Variants in KIRREL3 observed in about 807,000 individuals in gnomAD.
The protein encoded by KIRREL3 is kirre like nephrin family adhesion molecule 3, also known as kin of IRRE-like protein 3.
A neutral mutation model predicts 89.7 loss-of-function variants in KIRREL3; 36 were observed. The ratio of observed to expected loss-of-function variants is 0.40; its 90% confidence interval spans 0.31 to 0.53. The LOEUF (loss-of-function observed/expected upper bound fraction) is 0.53. Ranked by LOEUF, KIRREL3 falls within the 20% of genes least tolerant of loss-of-function variation. KIRREL3 has a pLI of 0.49. For synonymous variants in KIRREL3, 445 were observed against 441.4 expected (o/e 1.01, Z -0.10); for missense variants, 864 against 1,056.6 (o/e 0.82, Z 2.53).
intron 1 of KIRREL3, among the ~76,000 whole-genome samples, chr11:126,638,064 T>C (rs894565957): frequency 6.6e-6 from 1 of 152,226 alleles, no homozygotes; most frequent in African/African-American, 2.4e-5. Flanking sequence ...GCTCAACAAA[T>C]GGAAACCTGT....
At chr11:126,945,837 G>A (rs1440642000) in intron 1 of KIRREL3, among the ~76,000 whole-genome samples, 1 of 152,192 alleles carries the variant, frequency 6.6e-6, no homozygotes, top group Non-Finnish European at 1.5e-5. Context: ...TGCCCTGTTG[G>A]AATTAATAAT....
intron 1 of KIRREL3, among the ~76,000 whole-genome samples, chr11:126,873,113 T>C (rs900184458): frequency 2.6e-5 from 4 of 152,200 alleles, no homozygotes; most frequent in African/African-American, 9.7e-5. Flanking sequence ...AAGTGTAATA[T>C]ATCATGGAAT....
chr11:126,473,725 C>G (rs1205848546), intron 4 of KIRREL3, among the ~76,000 whole-genome samples: 1 of 152,222 alleles, frequency 6.6e-6, no homozygotes, highest in Non-Finnish European at 1.5e-5. Context: ...ACAGGGCCAG[C>G]AGCCTCAGCC....
rs1049893126 is a variant in KIRREL3, at chr11:126,780,684, G to A, written c.56-217772C>T. On this transcript the variant is annotated intron_variant, in intron 1 of 16. Coordinates refer to ENST00000525144, the MANE Select transcript of KIRREL3 (RefSeq NM_032531.4). This position sits in a 1 kb window ranked among gnomAD's most constrained non-coding sequence, Gnocchi z 5.3. Reference sequence around the variant, plus strand: ...TCCATCTCCTTGAGACACAAGCCAGGCCACCTGTGCTAGGCTGGCAGGTGT... The same window carrying A: ...TCCATCTCCTTGAGACACAAGCCAGACCACCTGTGCTAGGCTGGCAGGTGT... Among the ~76,000 whole-genome samples the A allele has an allele frequency of 6.6e-6, 1 of 152,186 alleles. No homozygotes were observed. Among genetic ancestry groups the A allele is most frequent in the Non-Finnish European group, 1.5e-5 (1 of 68,022 alleles).
rs890378922 is a variant in KIRREL3 at position 126,620,335 on chromosome 11, C to T, written c.56-57423G>A. The stretch of plus-strand genomic sequence containing the variant: ...CAGCAAATCTCTTGCTTGTCCATGT[C>T]CTTATTAACATGTGGCATCCAGTAC... On this transcript the variant is annotated intron_variant, in intron 1 of 16. Coordinates refer to ENST00000525144, the MANE Select transcript of KIRREL3 (RefSeq NM_032531.4). This position sits in a 1 kb window ranked among gnomAD's most constrained non-coding sequence, Gnocchi z 4.8. Among the ~76,000 whole-genome samples the T allele has an allele frequency of 6.6e-6, 1 of 152,152 alleles. No individual in the cohort carries two copies. The highest frequency in any genetic ancestry group is 2.4e-5 in the African/African-American group (1 of 41,424).
At chr11:126,840,054 G>A (rs1943912654) in intron 1 of KIRREL3, among the ~76,000 whole-genome samples, 1 of 152,096 alleles carries the variant, frequency 6.6e-6, no homozygotes, top group African/African-American at 2.4e-5. Context: ...CTGGCAGAGC[G>A]ATACATTAAA....
At position 126,452,224 on chromosome 11, in the gene KIRREL3, G is replaced by C. The variant is rs190004675; in HGVS notation, c.849-3067C>G. On this transcript the variant is annotated intron_variant, in intron 7 of 16. Coordinates refer to ENST00000525144, the MANE Select transcript of KIRREL3 (RefSeq NM_032531.4). ...AACAGAGCAAACCATATCTCCCTTA[G>C]AGCTTAAGGAGCTTCCCAACAAACC... 8.5e-5 allele frequency among the ~76,000 whole-genome samples: 13 copies of C among 152,342 alleles called. 1 individual carries two copies. The highest frequency in any genetic ancestry group is 7.8e-4 in the Admixed American group (12 of 15,302).
chr11:126,728,033 T>G (rs1948460943), intron 1 of KIRREL3, among the ~76,000 whole-genome samples: 1 of 152,038 alleles, frequency 6.6e-6, no homozygotes, highest in South Asian at 2.1e-4. Flanking sequence ...AGCCTCCTGA[T>G]GCACCTGGCA....
At chr11:126,650,008 G>T (rs568563852) in intron 1 of KIRREL3, among the ~76,000 whole-genome samples, 1 of 152,318 alleles carries the variant, frequency 6.6e-6, no homozygotes, top group East Asian at 1.9e-4. Flanking sequence ...GCACTCTCAG[G>T]CTCAACACCA....
Position 126,703,084 on chromosome 11 carries a change from C to T in KIRREL3, c.56-140172G>A, listed in dbSNP as rs1373853648. On this transcript the variant is annotated intron_variant, in intron 1 of 16. Coordinates refer to ENST00000525144, the MANE Select transcript of KIRREL3 (RefSeq NM_032531.4). The surrounding 1 kb of genome is among the most constrained non-coding windows in gnomAD (Gnocchi z 4.6). Reference sequence around the variant, plus strand: ...AATGAGAAGGGTGAGTAGTAGATGGCGTATTCTCTGGGCTGTGAATCCTGG... The same window carrying T: ...AATGAGAAGGGTGAGTAGTAGATGGTGTATTCTCTGGGCTGTGAATCCTGG... Among the ~76,000 whole-genome samples the T allele has an allele frequency of 6.6e-6, 1 of 152,020 alleles. No individual in the cohort carries two copies. The highest frequency in any genetic ancestry group is 6.6e-5 in the Admixed American group (1 of 15,264).
chr11:126,544,358 A>G lies in KIRREL3; in HGVS notation c.134-17671T>C, dbSNP rs1428397272. 1 of 152,114 alleles carries G rather than the reference A, an allele frequency of 6.6e-6. No individual in the cohort carries two copies. The highest frequency in any genetic ancestry group is 1.5e-5 in the Non-Finnish European group (1 of 68,030). The allele number at this position is 152,114 out of a possible 1,614,324, so 9.4% of individuals were successfully genotyped here. On this transcript the variant is annotated intron_variant, in intron 2 of 16. Coordinates refer to ENST00000525144, the MANE Select transcript of KIRREL3 (RefSeq NM_032531.4). This position sits in a 1 kb window ranked among gnomAD's most constrained non-coding sequence, Gnocchi z 5.6. ...AGGCTGGAAGAACGGGGCAGGAGGGATTCTGAATGGGAGGTATTGTAACCC... is the reference window on the plus strand; with the variant it reads ...AGGCTGGAAGAACGGGGCAGGAGGGGTTCTGAATGGGAGGTATTGTAACCC...
chr11:126,911,785 C>G (rs1946826934), intron 1 of KIRREL3, among the ~76,000 whole-genome samples: 1 of 151,958 alleles, frequency 6.6e-6, no homozygotes, highest in African/African-American at 2.4e-5. Context: ...AGATCGAGAC[C>G]ATCCTGGCTA....
In KIRREL3 at chr11:126,744,333, T is replaced by C. The variant is rs930555519; in HGVS notation, c.56-181421A>G. 2.0e-5 allele frequency among the ~76,000 whole-genome samples: 3 copies of C among 152,034 alleles called. No homozygotes were observed. The highest frequency in any genetic ancestry group is 2.9e-5 in the Non-Finnish European group (2 of 68,002). ...AGGGGAGCAGCCTTTTCTGGGAGGT[T>C]CACCCGCAGGAGGTGTGCTGACCAG... On this transcript the variant is annotated intron_variant, in intron 1 of 16. Coordinates refer to ENST00000525144, the MANE Select transcript of KIRREL3 (RefSeq NM_032531.4). The surrounding 1 kb of genome is among the most constrained non-coding windows in gnomAD (Gnocchi z 4.7).
intron 1 of KIRREL3, among the ~76,000 whole-genome samples, chr11:126,818,633 G>T (rs1011035774): frequency 5.4e-4 from 82 of 151,614 alleles, no homozygotes; most frequent in African/African-American, 2.0e-3. Flanking sequence ...TAGTGTGTGT[G>T]TGTGTGTGTG....
intron 7 of KIRREL3, among the ~76,000 whole-genome samples, chr11:126,450,760 TGTGTGCATGTGTGAGG>T (rs1432307740): frequency 2.0e-5 from 3 of 150,706 alleles, no homozygotes; most frequent in South Asian, 4.2e-4. Context: ...CATGTATGAC[TGTGTGCATGTGTGAGG>T]GTGTGCATCT....
chr11:126,487,302 A>G (rs1297737934), intron 4 of KIRREL3, among the ~76,000 whole-genome samples: 1 of 152,202 alleles, frequency 6.6e-6, no homozygotes, highest in Non-Finnish European at 1.5e-5. Context: ...AAAGAGGCAA[A>G]GACACAGGGC....
At position 126,908,863 on chromosome 11, in the gene KIRREL3, C is replaced by T. The variant is rs1043916447; in HGVS notation, c.55+91592G>A. On this transcript the variant is annotated intron_variant, in intron 1 of 16. Transcript: ENST00000525144. The surrounding 1 kb of genome is among the most constrained non-coding windows in gnomAD (Gnocchi z 4.2). The stretch of plus-strand genomic sequence containing the variant: ...GGATCCTCTTGGGTATCACAATCTG[C>T]GGACGCTCGAGTCTCTGATATAAAG... Among the ~76,000 whole-genome samples, 1 of 152,078 alleles carries T rather than the reference C, an allele frequency of 6.6e-6. No homozygotes were observed. The highest frequency in any genetic ancestry group is 2.4e-5 in the African/African-American group (1 of 41,396).
rs368158891 is a variant in KIRREL3 at position 126,446,696 on chromosome 11, C to T, written c.1125+63G>A. The T allele has an allele frequency of 8.5e-6, 13 of 1,525,006 alleles. No homozygotes were observed. The East Asian group carries it at 1.9e-4, about 23-fold the overall frequency. 94.5% of individuals were successfully genotyped at this position (1,525,006 alleles called of 1,614,324 possible). ...GTGAGAGGGGCCTGGGCAGCAGTTC[C>T]TTCTTGCTCCACTGTCCCCGCCCCC... is the stretch of plus-strand genomic sequence containing the variant. On this transcript the variant is annotated intron_variant, in intron 9 of 16. Transcript: ENST00000525144.
chr11:126,607,895 T>G lies in KIRREL3; in HGVS notation c.56-44983A>C, dbSNP rs1182350968. Among the ~76,000 whole-genome samples the G allele has an allele frequency of 1.3e-5, 2 of 152,152 alleles. No homozygotes were observed. Among genetic ancestry groups the G allele is most frequent in the Non-Finnish European group, 2.9e-5 (2 of 68,004 alleles). ...ACGAACATCACTACTGGGTCAGCTC[T>G]GCAGCTGCAAGTCTGGGGAAAAGGG... On this transcript the variant is annotated intron_variant, in intron 1 of 16. Coordinates refer to ENST00000525144, the MANE Select transcript of KIRREL3 (RefSeq NM_032531.4). The surrounding 1 kb of genome is among the most constrained non-coding windows in gnomAD (Gnocchi z 6.6).
Sources: allele counts gnomAD v4.1 joint callset (sites outside exome capture counted in the v4.1 genomes callset), GRCh38; gene constraint gnomAD v4.1.1; non-coding constraint Gnocchi (gnomAD v3.1); transcripts MANE v1.5; gene names NCBI Gene and HGNC (gene_info 2026-07-23, HGNC 2026-07-21).